The following NUP155 variants were observed in gnomAD, a reference collection of about 807,000 sequenced individuals.
NUP155 encodes nucleoporin 155.
In NUP155, 71 loss-of-function variants were observed where a neutral mutation model predicts 180.4. That is an observed-to-expected ratio of 0.39 (90% CI 0.33 to 0.48). The LOEUF (loss-of-function observed/expected upper bound fraction) is 0.48. Ranked by LOEUF, NUP155 falls within the 20% of genes least tolerant of loss-of-function variation. The pLI is 0.91. For synonymous variants in NUP155, 582 were observed against 559.5 expected (o/e 1.04, Z -0.57); for missense variants, 1,553 against 1,648.9 (o/e 0.94, Z 1.01).
rs539522362 is a variant in NUP155, at chr5:37,312,471, A to G, written c.2436+1727T>C. ...AACAGCAAGGAAAAGAAAAAGAAGG[A>G]AAGACTGCTTTAGACTGAAACAGAT... On this transcript the variant is annotated intron_variant, in intron 22 of 34. Coordinates refer to ENST00000231498, the MANE Select transcript of NUP155 (RefSeq NM_153485.3). Among the ~76,000 whole-genome samples the G allele has an allele frequency of 5.9e-5, 9 of 152,328 alleles. No individual in the cohort carries two copies. In the South Asian group the frequency reaches 8.3e-4, roughly 14 times the overall value.
At chr5:37,308,835 G>C (rs1051945155) in intron 24 of NUP155, among the ~76,000 whole-genome samples, 1 of 142,540 alleles carries the variant, frequency 7.0e-6, no homozygotes, top group Non-Finnish European at 1.5e-5. Context: ...AGCTGAGATC[G>C]TGCCACTGCA....
In NUP155 at chr5:37,307,211, A is replaced by C. The variant is rs1054023341; in HGVS notation, c.2903+86T>G. The C allele has an allele frequency of 3.6e-6, 5 of 1,406,902 alleles. No individual in the cohort carries two copies. In the South Asian group the frequency reaches 3.7e-5, roughly 11 times the overall value. The allele number at this position is 1,406,902 out of a possible 1,614,324, so 87.2% of individuals were successfully genotyped here. ...AGACTCTGTCTCAAAAAAAAAAAAA[A>C]AACATAAAACAAAAAACAAAAAACA... is the stretch of plus-strand genomic sequence containing the variant. On this transcript the variant is annotated intron_variant, in intron 25 of 34. Transcript: ENST00000231498.
At chr5:37,340,178 T>C (rs536218402) in intron 11 of NUP155, among the ~76,000 whole-genome samples, 20 of 152,254 alleles carry the variant, frequency 1.3e-4, no homozygotes, top group Non-Finnish European at 2.6e-4. Context: ...CGGTGGCTCA[T>C]GCCTGTAATC....
chr5:37,296,214 G>C (rs1182425830), intron 32 of NUP155, among the ~76,000 whole-genome samples: 1 of 152,214 alleles, frequency 6.6e-6, no homozygotes, highest in Non-Finnish European at 1.5e-5. Flanking sequence ...TGATGACAAT[G>C]GCAGTTTTGT....
intron 15 of NUP155, 90 bp from the exon 16 acceptor site, chr5:37,329,368 A>G (rs1282749283): frequency 4.1e-6 from 4 of 965,302 alleles, no homozygotes; most frequent in East Asian, 5.0e-5. Context: ...TTTAGCTTCC[A>G]AGTAAATGCT....
intron 9 of NUP155, among the ~76,000 whole-genome samples, chr5:37,346,586 C>T (rs1266396225): frequency 6.6e-6 from 1 of 151,684 alleles, no homozygotes; most frequent in African/African-American, 2.4e-5. Flanking sequence ...GCAGGAGAAT[C>T]GCTTGAACCC....
chr5:37,340,070 T>G (rs534906007), intron 11 of NUP155, among the ~76,000 whole-genome samples: 1 of 152,336 alleles, frequency 6.6e-6, no homozygotes, highest in Admixed American at 6.5e-5. Flanking sequence ...CACCTCACTT[T>G]TTTTGCAGAA....
intron 17 of NUP155, 83 bp downstream of exon 17, chr5:37,328,275 T>C: frequency 9.5e-7 from 1 of 1,053,516 alleles, no homozygotes; most frequent in Non-Finnish European, 1.4e-6. Flanking sequence ...GGCAAGTTCA[T>C]CTTTTTCACA....
intron 3 of NUP155, among the ~76,000 whole-genome samples, chr5:37,360,071 T>C (rs1323781859): frequency 1.3e-5 from 2 of 151,724 alleles, no homozygotes; most frequent in African/African-American, 4.8e-5. Context: ...TGAGGCAAGA[T>C]GATACCACTG....
intron 27 of NUP155, among the ~76,000 whole-genome samples, chr5:37,304,193 T>C (rs924798502): frequency 7.5e-6 from 1 of 133,280 alleles, no homozygotes; most frequent in Non-Finnish European, 1.5e-5. Context: ...GAGGTTGCAG[T>C]GAGCTGAGAT....
rs1744938711 is a variant in NUP155, at chr5:37,331,178, A to C, written c.1629+507T>G. ...AAAAAAAAGAATTTATCAACAACAGAGAATAAAAATCTGAAAGCTCACTAC... is the reference window on the plus strand; with the variant it reads ...AAAAAAAAGAATTTATCAACAACAGCGAATAAAAATCTGAAAGCTCACTAC... On this transcript the variant is annotated intron_variant, in intron 14 of 34. Transcript: ENST00000231498. Among the ~76,000 whole-genome samples the C allele has an allele frequency of 2.0e-5, 3 of 151,944 alleles. 1 individual carries two copies. The South Asian group carries it at 6.2e-4, about 31-fold the overall frequency.
intron 19 of NUP155, 24 bp from the exon 20 acceptor site, chr5:37,324,131 A>G (rs1052712035): frequency 6.8e-7 from 1 of 1,475,468 alleles, no homozygotes; most frequent in Non-Finnish European, 9.5e-7. Context: ...AGATTTTTCA[A>G]AAGTTTAAAA....
In NUP155 at chr5:37,331,935, C is replaced by T. The variant is rs76290783; in HGVS notation, c.1519-140G>A. The T allele has an allele frequency of 0.023, 15,011 of 655,774 alleles. 1,289 individuals are homozygous for T. The highest frequency in any genetic ancestry group is 0.21 in the African/African-American group (11,476 of 54,948). 40.6% of individuals were successfully genotyped at this position (655,774 alleles called of 1,614,324 possible). ...ATACAAAGTAGGCTGGGTATGGTGG[C>T]CCACATTTGTATTTCCAGCACATCA... is the stretch of plus-strand genomic sequence containing the variant. On this transcript the variant is annotated intron_variant, in intron 13 of 34. Coordinates refer to ENST00000231498, the MANE Select transcript of NUP155 (RefSeq NM_153485.3).
At chr5:37,293,146 A>C (rs557097658) in intron 33 of NUP155, 161 bp from the exon 34 acceptor site, 2 of 600,120 alleles carry the variant, frequency 3.3e-6, no homozygotes, top group Middle Eastern at 4.6e-4. Context: ...ATTATAGTTA[A>C]TATTTCAAAC....
chr5:37,312,383 G>A (rs908258325), intron 22 of NUP155, among the ~76,000 whole-genome samples: 1 of 149,938 alleles, frequency 6.7e-6, no homozygotes, highest in Non-Finnish European at 1.5e-5. Flanking sequence ...AAAAAAAAAA[G>A]CCTTAGAATG....
intron 3 of NUP155, 65 bp downstream of exon 3, chr5:37,363,823 C>T (rs150412025): frequency 1.9e-6 from 2 of 1,055,544 alleles, no homozygotes; most frequent in East Asian, 2.4e-5. Flanking sequence ...AATGAGAACA[C>T]TAGCTACAGT....
At position 37,329,590 on chromosome 5, in the gene NUP155, T is replaced by C. The variant is rs564853976; in HGVS notation, c.1725-312A>G. On this transcript the variant is annotated intron_variant, in intron 15 of 34. Transcript: ENST00000231498. The stretch of plus-strand genomic sequence containing the variant: ...ATTTTCATACTAGGTTATGGTTAGA[T>C]AGTACTTCAAAAAACGTTTCTAACA... Among the ~76,000 whole-genome samples the C allele has an allele frequency of 5.1e-4, 77 of 152,376 alleles. No homozygotes were observed. The Middle Eastern group carries it at 0.017, about 34-fold the overall frequency.
chr5:37,348,307 AAAAT>A (rs56758251), intron 9 of NUP155, among the ~76,000 whole-genome samples, 194 bp downstream of exon 9: 15 of 151,634 alleles, frequency 9.9e-5, no homozygotes, highest in Middle Eastern at 6.8e-3. Context: ...CTGTCTCAAA[AAAAT>A]AAATAAATAA....
Position 37,314,345 on chromosome 5 carries a change from A to G in NUP155, c.2306-17T>C. On this transcript the variant is annotated splice_polypyrimidine_tract_variant and intron_variant, in intron 21 of 34. Transcript: ENST00000231498. Reference sequence around the variant, plus strand: ...GTTGAGCCTCTAATGAGAAAACAAAATAAATTATTATAAAATAACATAGGT... The same window carrying G: ...GTTGAGCCTCTAATGAGAAAACAAAGTAAATTATTATAAAATAACATAGGT... The G allele has an allele frequency of 6.5e-7, 1 of 1,543,508 alleles. No individual in the cohort carries two copies. The highest frequency in any genetic ancestry group is 8.9e-7 in the Non-Finnish European group (1 of 1,121,590).
Sources: gnomAD v4.1 joint callset for allele counts (sites outside exome capture counted in the v4.1 genomes callset) on GRCh38, gnomAD v4.1.1 for gene constraint, MANE v1.5 for transcripts, NCBI Gene and HGNC (gene_info 2026-07-23, HGNC 2026-07-21) for gene names.